Variants in SBF2 observed in about 807,000 individuals in gnomAD.
SBF2 encodes myotubularin-related protein 13.
Under a neutral mutation model 225.2 loss-of-function variants are expected in SBF2, and 112 were observed. The ratio of observed to expected loss-of-function variants is 0.50; its 90% CI spans 0.43 to 0.58. The LOEUF (loss-of-function observed/expected upper bound fraction) is 0.58. SBF2 is among the 20% of genes least tolerant of loss of function. The pLI is 0.00. For missense variants in SBF2, 1,996 were observed against 2,206.2 expected, an observed-to-expected ratio of 0.90 and a Z score of 1.91; for synonymous variants, 763 against 773.3, an observed-to-expected ratio of 0.99 and a Z score of 0.22.
At chr11:9,884,230 T>C (rs35396321) in intron 17 of SBF2, among the ~76,000 whole-genome samples, 40,729 of 152,058 alleles carry the variant, frequency 0.27, 6,537 homozygotes, top group African/African-American at 0.46. Flanking sequence ...ACCTGGGCTC[T>C]TGTATTGAAT....
chr11:9,946,230 C>T (rs1865554001), intron 16 of SBF2, among the ~76,000 whole-genome samples: 1 of 152,206 alleles, frequency 6.6e-6, no homozygotes, highest in African/African-American at 2.4e-5. Context: ...GGTACACATA[C>T]ACCATGGAAT....
intron 3 of SBF2, among the ~76,000 whole-genome samples, chr11:10,038,546 T>G (rs1949533666): frequency 6.6e-6 from 1 of 151,968 alleles, no homozygotes; most frequent in Admixed American, 6.6e-5. Context: ...AGTCTGCAAT[T>G]ATTATCTGTT....
intron 17 of SBF2, among the ~76,000 whole-genome samples, chr11:9,875,405 T>G (rs1296709551): frequency 6.6e-6 from 1 of 152,246 alleles, no homozygotes; most frequent in Non-Finnish European, 1.5e-5. Context: ...CTCCTCTTTT[T>G]ATTAATGTCT....
chr11:10,117,074 A>G (rs1007704289), intron 2 of SBF2, among the ~76,000 whole-genome samples: 1 of 152,210 alleles, frequency 6.6e-6, no homozygotes, highest in African/African-American at 2.4e-5. Context: ...AAATATTTCA[A>G]GCTAGTCAAA....
rs529600576 is a variant in SBF2 at position 9,861,273 on chromosome 11, C to T, written c.1930-2877G>A. 1.2e-4 allele frequency among the ~76,000 whole-genome samples: 19 copies of T among 152,256 alleles called. No homozygotes were observed. The South Asian group carries it at 3.9e-3, about 32-fold the overall frequency. ...GGCTGATGACAATCATAGATCATTG[C>T]AGCCTAGAACTCCTGGGCTTAAGGG... On this transcript the variant is annotated intron_variant, in intron 17 of 39. Coordinates refer to ENST00000256190, the MANE Select transcript of SBF2 (RefSeq NM_030962.4).
At chr11:10,241,308 C>T (rs1959211201) in intron 1 of SBF2, among the ~76,000 whole-genome samples, 1 of 152,104 alleles carries the variant, frequency 6.6e-6, no homozygotes, top group Non-Finnish European at 1.5e-5. Context: ...GAGCTGAGAT[C>T]ATACCACTGC....
At chr11:10,027,182 T>C (rs1949085627) in intron 6 of SBF2, among the ~76,000 whole-genome samples, 1 of 152,210 alleles carries the variant, frequency 6.6e-6, no homozygotes, top group Non-Finnish European at 1.5e-5. Context: ...GTAGATATCT[T>C]GAACTTATTT....
At position 9,842,740 on chromosome 11, in the gene SBF2, G is replaced by A; in HGVS notation, c.3141C>T (p.Ala1047=). The A allele has an allele frequency of 6.2e-7, 1 of 1,613,870 alleles. No individual in the cohort carries two copies. Among genetic ancestry groups the A allele is most frequent in the African/African-American group, 1.3e-5 (1 of 74,958 alleles). Reference sequence around the variant, plus strand: ...CAATTGTCATTTTCCCTGCCCTTTTGGCACCTTTCACAATTGTTTTTGAGA... The same window carrying A: ...CAATTGTCATTTTCCCTGCCCTTTTAGCACCTTTCACAATTGTTTTTGAGA... ...RTFSKTIVKG[A]KRAGKMTIGR... Residue 1047 remains alanine, a synonymous_variant, in exon 25 of 40, where the codon GCC becomes GCT. Transcript: ENST00000256190.
chr11:10,265,878 C>A lies in SBF2; in HGVS notation c.55+28137G>T, dbSNP rs555088803. Among the ~76,000 whole-genome samples the A allele has an allele frequency of 5.9e-5, 9 of 151,682 alleles. No individual in the cohort carries two copies. In the East Asian group the frequency reaches 1.8e-3, roughly 30 times the overall value. ...CTAATTGTGTGTGTGTGTGTGTGCG[C>A]GCGCGCATGTGTGTGTGTGTTTTAG... On this transcript the variant is annotated intron_variant, in intron 1 of 39. Transcript: ENST00000256190.
intron 13 of SBF2, among the ~76,000 whole-genome samples, chr11:9,971,735 C>G (rs1005674062): frequency 6.6e-6 from 1 of 152,118 alleles, no homozygotes; most frequent in African/African-American, 2.4e-5. Flanking sequence ...TAGTCAAAAT[C>G]TCTAAAGAGT....
chr11:10,065,396 G>T (rs1022680832), intron 2 of SBF2, among the ~76,000 whole-genome samples: 7 of 151,784 alleles, frequency 4.6e-5, no homozygotes, highest in African/African-American at 1.5e-4. Flanking sequence ...AACAAGAAAA[G>T]ATAATAGGGA....
chr11:10,152,195 G>A (rs975531350), intron 2 of SBF2, among the ~76,000 whole-genome samples: 5 of 152,020 alleles, frequency 3.3e-5, no homozygotes, highest in Non-Finnish European at 5.9e-5. Flanking sequence ...AAAAATTTTC[G>A]TCATGCCAGA....
chr11:10,076,154 A>G (rs922601446), intron 2 of SBF2, among the ~76,000 whole-genome samples: 26 of 152,250 alleles, frequency 1.7e-4, no homozygotes, highest in Non-Finnish European at 1.0e-4. Context: ...GTATCTTACA[A>G]TACATATTTC....
chr11:9,981,610 C>T (rs1477308712), intron 13 of SBF2, among the ~76,000 whole-genome samples: 1 of 152,056 alleles, frequency 6.6e-6, no homozygotes, highest in Non-Finnish European at 1.5e-5. Context: ...TATGAAAAGA[C>T]TAATGAGAAA....
At chr11:10,238,207 G>A (rs143297331) in intron 1 of SBF2, among the ~76,000 whole-genome samples, 3,301 of 152,138 alleles carry the variant, frequency 0.022, 69 homozygotes, top group Non-Finnish European at 0.033. Context: ...CCAGGAGCTC[G>A]AGATCAGCCT....
At chr11:10,275,175 A>G (rs557612903) in intron 1 of SBF2, among the ~76,000 whole-genome samples, 1 of 152,184 alleles carries the variant, frequency 6.6e-6, no homozygotes, top group African/African-American at 2.4e-5. Context: ...TAGAGAAAGG[A>G]GACCGAGAAA....
chr11:10,184,295 T>C (rs77756009), intron 2 of SBF2, among the ~76,000 whole-genome samples: 10,222 of 152,262 alleles, frequency 0.067, 525 homozygotes, highest in East Asian at 0.28. Context: ...GTCTTGATTA[T>C]TGAGCCTTAT....
At chr11:10,161,594 T>G (rs1955738660) in intron 2 of SBF2, among the ~76,000 whole-genome samples, 1 of 152,154 alleles carries the variant, frequency 6.6e-6, no homozygotes, top group African/African-American at 2.4e-5. Context: ...ACACTAAATT[T>G]CTCTGCCTCC....
intron 2 of SBF2, among the ~76,000 whole-genome samples, chr11:10,141,465 G>C (rs574418513): frequency 5.9e-5 from 9 of 152,186 alleles, no homozygotes; most frequent in South Asian, 4.1e-4. Flanking sequence ...AATTATTTTA[G>C]AACAAGAAAG....
Sources: gnomAD v4.1 joint callset for allele counts (sites outside exome capture counted in the v4.1 genomes callset) on GRCh38, gnomAD v4.1.1 for gene constraint, MANE v1.5 for transcripts, NCBI Gene and HGNC (gene_info 2026-07-23, HGNC 2026-07-21) for gene names.